The following DCAF5 variants were observed in gnomAD, a reference collection of about 807,000 sequenced individuals.
The protein encoded by DCAF5 is DDB1- and CUL4-associated factor 5.
Under a neutral mutation model 80.7 loss-of-function variants are expected in DCAF5, and 9 were observed. That is an observed-to-expected ratio of 0.11 (90% confidence interval 0.07 to 0.19). The LOEUF is 0.19. Among genes scored for constraint, DCAF5 ranks in the 10% least tolerant of loss-of-function variants. DCAF5 has a pLI of 1.00. For missense variants in DCAF5, 842 were observed against 1,205.7 expected, an observed-to-expected ratio of 0.70 and a Z score of 4.47; for synonymous variants, 433 against 461.9, an observed-to-expected ratio of 0.94 and a Z score of 0.80.
intron 5 of DCAF5, among the ~76,000 whole-genome samples, chr14:69,098,684 C>A (rs1259843783): frequency 3.4e-5 from 5 of 146,972 alleles, no homozygotes; most frequent in Non-Finnish European, 7.5e-5. Context: ...GAGATCAAGA[C>A]CATCCTTGCT....
intron 7 of DCAF5, among the ~76,000 whole-genome samples, chr14:69,075,092 G>A (rs1027992370): frequency 1.4e-4 from 21 of 151,846 alleles, no homozygotes; most frequent in African/African-American, 3.6e-4. Context: ...GGGACATAAA[G>A]GAGTTCTATG....
chr14:69,115,521 A>G (rs1450493560), intron 5 of DCAF5, among the ~76,000 whole-genome samples: 1 of 152,234 alleles, frequency 6.6e-6, no homozygotes, highest in African/African-American at 2.4e-5. Context: ...GAAGTGGGAA[A>G]TTACATCTAT....
chr14:69,114,813 G>C (rs900401968), intron 5 of DCAF5, among the ~76,000 whole-genome samples: 1 of 152,122 alleles, frequency 6.6e-6, no homozygotes, highest in Admixed American at 6.6e-5. Context: ...AGTGGAAAGT[G>C]GGGGAGGGCC....
chr14:69,062,314 T>TTG, intron 8 of DCAF5, 70 bp downstream of exon 8: 1 of 1,532,732 alleles, frequency 6.5e-7, no homozygotes, highest in Non-Finnish European at 9.0e-7. Context: ...CCTACATAAA[T>TTG]TGTTCTAGTT....
Position 69,119,260 on chromosome 14 carries a change from A to G in DCAF5, c.359-30T>C, listed in dbSNP as rs746642745. 2.3e-5 allele frequency: 37 copies of G among 1,611,014 alleles called. 2 individuals carry two copies. The highest frequency in any genetic ancestry group is 1.1e-4 in the East Asian group (5 of 44,798). On this transcript the variant is annotated intron_variant, in intron 2 of 8. Transcript: ENST00000341516. Reference sequence around the variant, plus strand: ...AAAAGAAAAAAGCAGACATCTGATCATTCGTGCAAGGTGGTCCCTGTCCAC... The same window carrying G: ...AAAAGAAAAAAGCAGACATCTGATCGTTCGTGCAAGGTGGTCCCTGTCCAC...
At chr14:69,096,787 C>A (rs1008383721) in intron 5 of DCAF5, among the ~76,000 whole-genome samples, 2 of 152,202 alleles carry the variant, frequency 1.3e-5, no homozygotes, top group Non-Finnish European at 2.9e-5. Flanking sequence ...CTGGCTTATT[C>A]AAAAACGCCC....
chr14:69,112,481 T>G (rs1010294093), intron 5 of DCAF5, among the ~76,000 whole-genome samples: 3 of 152,000 alleles, frequency 2.0e-5, no homozygotes, highest in African/African-American at 7.3e-5. Context: ...ATGCCTATAA[T>G]TCCATCTACT....
chr14:69,074,316 T>C (rs937734487), intron 7 of DCAF5, among the ~76,000 whole-genome samples: 2 of 152,158 alleles, frequency 1.3e-5, no homozygotes, highest in Non-Finnish European at 2.9e-5. Flanking sequence ...CAGACATTTT[T>C]CTACCATTAG....
chr14:69,149,497 G>C lies in DCAF5; in HGVS notation c.214+3268C>G, dbSNP rs545761349. On this transcript the variant is annotated intron_variant, in intron 1 of 8. Coordinates refer to ENST00000341516, the MANE Select transcript of DCAF5 (RefSeq NM_003861.3). ...CTGGCCTCACTGTGCCCTGGAAAAG[G>C]GGATAGCTGTTGGAACAGAAAAGTG... 4.6e-5 allele frequency: 7 copies of C among 152,300 alleles called. No homozygotes were observed. The East Asian group carries it at 1.3e-3, about 29-fold the overall frequency. 9.4% of individuals were successfully genotyped at this position (152,300 alleles called of 1,614,324 possible).
chr14:69,087,317 T>C (rs982660526), intron 6 of DCAF5, among the ~76,000 whole-genome samples: 1 of 152,078 alleles, frequency 6.6e-6, no homozygotes, highest in Non-Finnish European at 1.5e-5. Context: ...ATGTACCCAG[T>C]CAGGCTTCAG....
At chr14:69,087,931 C>A (rs1003846593) in intron 6 of DCAF5, among the ~76,000 whole-genome samples, 1 of 152,144 alleles carries the variant, frequency 6.6e-6, no homozygotes, top group African/African-American at 2.4e-5. Context: ...GGATCCAGAG[C>A]AGAATAGGTA....
intron 5 of DCAF5, among the ~76,000 whole-genome samples, chr14:69,106,411 C>T (rs1419950417): frequency 6.6e-6 from 1 of 151,840 alleles, no homozygotes; most frequent in Non-Finnish European, 1.5e-5. Flanking sequence ...TTCTGTCACA[C>T]AGGATGGAGT....
chr14:69,128,549 G>A (rs1056332833), intron 1 of DCAF5, among the ~76,000 whole-genome samples: 13 of 152,304 alleles, frequency 8.5e-5, no homozygotes, highest in African/African-American at 2.6e-4. Flanking sequence ...AAACAAGACT[G>A]CAGGATGGGC....
At position 69,051,324 on chromosome 14, in the gene DCAF5, G is replaced by A. The variant is rs1183251200; in HGVS notation, c.*2533C>T. On this transcript the variant is annotated 3_prime_UTR_variant, in exon 9 of 9. Coordinates refer to ENST00000341516, the MANE Select transcript of DCAF5 (RefSeq NM_003861.3). ...TATTAAATGTGCCATCAAAGTTGGG[G>A]CCTCAATTCTAAAAGAGTTTAGGCA... 2 of 152,554 alleles carry A rather than the reference G, an allele frequency of 1.3e-5. No homozygotes were observed. Among genetic ancestry groups the A allele is most frequent in the African/African-American group, 4.8e-5 (2 of 41,410 alleles). The allele number at this position is 152,554 out of a possible 1,614,324, so 9.5% of individuals were successfully genotyped here.
In DCAF5 at chr14:69,053,618, A is replaced by G. The variant is rs549977992; in HGVS notation, c.*239T>C. The stretch of plus-strand genomic sequence containing the variant: ...ACACTACGCTCACGTCTCACTAGAA[A>G]GGAGTCACTTGGGTTATTTTTTTTT... On this transcript the variant is annotated 3_prime_UTR_variant, in exon 9 of 9. Coordinates refer to ENST00000341516, the MANE Select transcript of DCAF5 (RefSeq NM_003861.3). The G allele has an allele frequency of 4.9e-5, 24 of 494,540 alleles. No homozygotes were observed. The highest frequency in any genetic ancestry group is 4.8e-4 in the African/African-American group (23 of 47,454). The allele number at this position is 494,540 out of a possible 1,614,324, so 30.6% of individuals were successfully genotyped here.
intron 1 of DCAF5, among the ~76,000 whole-genome samples, chr14:69,140,245 C>T (rs1009622036): frequency 2.7e-5 from 4 of 150,904 alleles, no homozygotes; most frequent in African/African-American, 7.3e-5. Context: ...CCAGCCTGGG[C>T]GACAGAATGA....
At chr14:69,058,735 T>C (rs2038080884) in intron 8 of DCAF5, among the ~76,000 whole-genome samples, 1 of 150,266 alleles carries the variant, frequency 6.7e-6, no homozygotes. Context: ...TAGCCAGGAG[T>C]GGTGGTGTAC....
Position 69,053,714 on chromosome 14 carries a change from AG to A in DCAF5, c.*142del. On this transcript the variant is annotated 3_prime_UTR_variant, in exon 9 of 9. Transcript: ENST00000341516. Reference sequence around the variant, plus strand: ...GACCCGTTGTTGAATGTTGGATAGAAGGGAGCAGCATCAGACACAAAATTTC... The same window carrying A: ...GACCCGTTGTTGAATGTTGGATAGAAGGAGCAGCATCAGACACAAAATTTC... The A allele has an allele frequency of 1.4e-6, 1 of 719,252 alleles. No individual in the cohort carries two copies. Among genetic ancestry groups the A allele is most frequent in the Non-Finnish European group, 2.2e-6 (1 of 454,258 alleles). The allele number at this position is 719,252 out of a possible 1,614,324, so 44.6% of individuals were successfully genotyped here. A position where few individuals can be genotyped will look rare whatever the true frequency, so the allele number is the denominator to read the frequency against.
intron 1 of DCAF5, among the ~76,000 whole-genome samples, chr14:69,143,438 C>T (rs991483045): frequency 2.0e-5 from 3 of 151,950 alleles, no homozygotes; most frequent in African/African-American, 7.3e-5. Context: ...TAATACTACC[C>T]TAACTTACAA....
Sources: allele counts gnomAD v4.1 joint callset (sites outside exome capture counted in the v4.1 genomes callset), GRCh38; gene constraint gnomAD v4.1.1; transcripts MANE v1.5; gene names NCBI Gene and HGNC (gene_info 2026-07-23, HGNC 2026-07-21).